NOP14: variants seen among roughly 807,000 people sequenced by gnomAD.
The protein encoded by NOP14 is nucleolar protein 14.
NOP14 carries 57 observed loss-of-function variants against 101.6 expected under a neutral mutation model. The ratio of observed to expected loss-of-function variants is 0.56; its 90% confidence interval spans 0.45 to 0.70. The LOEUF is 0.70. Among genes scored for constraint, NOP14 ranks in the 30% least tolerant of loss-of-function variants. The pLI, the probability that NOP14 is intolerant of heterozygous loss-of-function variation, is 0.00. For missense variants in NOP14, 1,134 were observed against 1,075.5 expected (o/e 1.05, Z -0.76); for synonymous variants, 428 against 424.0 (o/e 1.01, Z -0.12).
intron 17 of NOP14, 66 bp from the exon 18 acceptor site, chr4:2,938,996 C>T: frequency 6.6e-7 from 1 of 1,519,620 alleles, no homozygotes. Flanking sequence ...TGCCCTCTCT[C>T]TCCCACATCA....
intron 11 of NOP14, among the ~76,000 whole-genome samples, chr4:2,946,009 ACT>A (rs1409234436): frequency 1.3e-4 from 4 of 31,422 alleles, no homozygotes; most frequent in South Asian, 3.0e-3. Flanking sequence ...ACTGCCGTGC[ACT>A]CTCACTCCAG....
intron 13 of NOP14, 124 bp from the exon 14 acceptor site, chr4:2,942,475 G>T: frequency 1.9e-6 from 2 of 1,031,110 alleles, no homozygotes; most frequent in Admixed American, 4.4e-5. Context: ...TATGTTTCTG[G>T]GTTGTGCCAG....
intron 2 of NOP14, among the ~76,000 whole-genome samples, chr4:2,957,151 G>A (rs573934851): frequency 4.6e-5 from 7 of 152,230 alleles, no homozygotes; most frequent in African/African-American, 1.7e-4. Flanking sequence ...ATAGGCATGC[G>A]CCACCACGCC....
chr4:2,948,233 C>A, intron 9 of NOP14, 45 bp downstream of exon 9: 1 of 1,552,720 alleles, frequency 6.4e-7, no homozygotes, highest in Non-Finnish European at 8.7e-7. Flanking sequence ...ATATACGGGG[C>A]TATGCTGACA....
chr4:2,948,259 A>T lies in NOP14; in HGVS notation c.1413+19T>A. 6.3e-7 allele frequency: 1 copy of T among 1,589,398 alleles called. No homozygotes were observed. The highest frequency in any genetic ancestry group is 2.3e-5 in the East Asian group (1 of 43,692). On this transcript the variant is annotated intron_variant, in intron 9 of 17. Coordinates refer to ENST00000416614, the MANE Select transcript of NOP14 (RefSeq NM_001291978.2). ...TATGCTGACACTCCCAGCGCTCCAC[A>T]CACACTCAATCCACGTACTTCTAAT...
At chr4:2,958,292 T>A (rs1278173579) in intron 1 of NOP14, among the ~76,000 whole-genome samples, 1 of 152,208 alleles carries the variant, frequency 6.6e-6, no homozygotes, top group Non-Finnish European at 1.5e-5. Flanking sequence ...ATTTGGTTAT[T>A]TTCCCAGCAG....
In NOP14 at chr4:2,939,792, G is replaced by A. The variant is rs190602905; in HGVS notation, c.2200-147C>T. ...ATGGTGCCCTTGCTGTGCGCCTACC[G>A]GTGGGCGGGGGGGTAAGCCAAGGCT... On this transcript the variant is annotated intron_variant, in intron 15 of 17. Coordinates refer to ENST00000416614, the MANE Select transcript of NOP14 (RefSeq NM_001291978.2). 119 of 706,536 alleles carry A rather than the reference G, an allele frequency of 1.7e-4. 1 individual carries two copies. In the Middle Eastern group the frequency reaches 7.9e-3, roughly 47 times the overall value. The allele number at this position is 706,536 out of a possible 1,614,324, so 43.8% of individuals were successfully genotyped here.
chr4:2,953,158 T>C (rs1393888787), intron 5 of NOP14, among the ~76,000 whole-genome samples: 1 of 152,192 alleles, frequency 6.6e-6, no homozygotes, highest in Non-Finnish European at 1.5e-5. Context: ...GAAACAACTG[T>C]TTACAGAGGC....
Position 2,939,456 on chromosome 4 carries a change from G to A in NOP14, c.2318+71C>T, listed in dbSNP as rs1577813021. On this transcript the variant is annotated intron_variant, in intron 16 of 17. Coordinates refer to ENST00000416614, the MANE Select transcript of NOP14 (RefSeq NM_001291978.2). ...AGTCATCTGCTCAACTGCAGAACTG[G>A]CAGACGCCCCCCGTCAGCTCCCACT... is the stretch of plus-strand genomic sequence containing the variant. 10 of 1,595,282 alleles carry A rather than the reference G, an allele frequency of 6.3e-6. No homozygotes were observed. The East Asian group carries it at 2.2e-4, about 36-fold the overall frequency.
intron 1 of NOP14, among the ~76,000 whole-genome samples, chr4:2,961,198 T>TTGTTAG (rs1715842788): frequency 2.9e-5 from 1 of 34,900 alleles, no homozygotes; most frequent in Non-Finnish European, 6.8e-5. Context: ...TATGCTAATA[T>TTGTTAG]TATAATAATA....
intron 1 of NOP14, among the ~76,000 whole-genome samples, chr4:2,959,548 G>T (rs1483441510): frequency 6.6e-6 from 1 of 151,966 alleles, no homozygotes; most frequent in African/African-American, 2.4e-5. Flanking sequence ...AGCTGAGATT[G>T]TGCCACTGCA....
In NOP14 at chr4:2,949,724, G is replaced by A. The variant is rs181927722; in HGVS notation, c.1282+210C>T. 1.6e-4 allele frequency among the ~76,000 whole-genome samples: 25 copies of A among 152,260 alleles called. 1 individual carries two copies. Among genetic ancestry groups the A allele is most frequent in the Middle Eastern group, 3.4e-3 (1 of 294 alleles). On this transcript the variant is annotated intron_variant, in intron 8 of 17. Transcript: ENST00000416614. Reference sequence around the variant, plus strand: ...GAGAGGCGCATCTGGCCCATCGGGGGCCGGCCTACAGAACCACAGTCACAA... The same window carrying A: ...GAGAGGCGCATCTGGCCCATCGGGGACCGGCCTACAGAACCACAGTCACAA...
rs555563454 is a variant in NOP14 at position 2,944,197 on chromosome 4, C to T, written c.1767G>A (p.Val589=). The T allele has an allele frequency of 2.0e-4, 322 of 1,614,024 alleles. 4 individuals are homozygous for T. In the South Asian group the frequency reaches 3.4e-3, roughly 17 times the overall value. ...KCPILSLQDV[V]KGLFVCCLFL... ...ACAGGCAGCACACGAACAGGCCCTT[C>T]ACCACGTCCTGGAGGGACAGGATGG... Residue 589 remains valine (V), a synonymous_variant, in exon 13 of 18, where the codon GTG becomes GTA. Coordinates refer to ENST00000416614, the MANE Select transcript of NOP14 (RefSeq NM_001291978.2).
chr4:2,958,831 C>T (rs1292901447), intron 1 of NOP14, among the ~76,000 whole-genome samples: 2 of 152,120 alleles, frequency 1.3e-5, no homozygotes, highest in Non-Finnish European at 2.9e-5. Flanking sequence ...CGGAGATGAA[C>T]TTAAAGGCTA....
In NOP14 at chr4:2,938,303, C is replaced by T. The variant is rs531087666; in HGVS notation, c.*528G>A. On this transcript the variant is annotated 3_prime_UTR_variant, in exon 18 of 18. Transcript: ENST00000416614. ...TGGGGGGCCAAGGCAGGTGGATTACCTGAGGTCGGGAATTCGAGACCAGCC... is the reference window on the plus strand; with the variant it reads ...TGGGGGGCCAAGGCAGGTGGATTACTTGAGGTCGGGAATTCGAGACCAGCC... 6 of 1,048,372 alleles carry T rather than the reference C, an allele frequency of 5.7e-6. No homozygotes were observed. Among genetic ancestry groups the T allele is most frequent in the East Asian group, 1.2e-4 (2 of 16,734 alleles). 64.9% of individuals were successfully genotyped at this position (1,048,372 alleles called of 1,614,324 possible).
intron 6 of NOP14, among the ~76,000 whole-genome samples, 161 bp downstream of exon 6, chr4:2,952,109 GAAAAA>G (rs34128991): frequency 9.0e-6 from 1 of 111,190 alleles, no homozygotes. Context: ...CTGTCTCAAA[GAAAAA>G]AAAAAAAAAA....
rs915512849 is a variant in NOP14, at chr4:2,963,398, C to A, written c.-79G>T. On this transcript the variant is annotated 5_prime_UTR_variant, in exon 1 of 18. Transcript: ENST00000416614. Reference sequence around the variant, plus strand: ...CGCTACCCTAAGACACGTGCCGGGCCGCGGAACCGCTTCCTCGTCTCGCGA... The same window carrying A: ...CGCTACCCTAAGACACGTGCCGGGCAGCGGAACCGCTTCCTCGTCTCGCGA... 2.9e-6 allele frequency: 4 copies of A among 1,375,914 alleles called. No homozygotes were observed. The highest frequency in any genetic ancestry group is 3.8e-6 in the Non-Finnish European group (4 of 1,052,316). The allele number at this position is 1,375,914 out of a possible 1,614,324, so 85.2% of individuals were successfully genotyped here. A position where few individuals can be genotyped will look rare whatever the true frequency, so the allele number is the denominator to read the frequency against.
In NOP14 at chr4:2,938,785, G is replaced by T. The variant is rs1169743828; in HGVS notation, c.*46C>A. On this transcript the variant is annotated 3_prime_UTR_variant, in exon 18 of 18. Coordinates refer to ENST00000416614, the MANE Select transcript of NOP14 (RefSeq NM_001291978.2). ...GGCCTCCCAGAGGGTTGGAATTGCAGATGTGAGGTAATGTCCAGTTCCTTG... is the reference window on the plus strand; with the variant it reads ...GGCCTCCCAGAGGGTTGGAATTGCATATGTGAGGTAATGTCCAGTTCCTTG... 1 of 1,499,162 alleles carries T rather than the reference G, an allele frequency of 6.7e-7. No homozygotes were observed. 92.9% of individuals were successfully genotyped at this position (1,499,162 alleles called of 1,614,324 possible). A position where few individuals can be genotyped will look rare whatever the true frequency, so the allele number is the denominator to read the frequency against.
intron 15 of NOP14, chr4:2,940,542 G>C (rs1714082062): frequency 6.6e-6 from 1 of 152,362 alleles, no homozygotes; most frequent in Non-Finnish European, 1.5e-5. Flanking sequence ...ATAAGGGGCA[G>C]GGCTCACATC....
Sources: allele counts gnomAD v4.1 joint callset (sites outside exome capture counted in the v4.1 genomes callset), GRCh38; gene constraint gnomAD v4.1.1; transcripts MANE v1.5; gene names NCBI Gene and HGNC (gene_info 2026-07-23, HGNC 2026-07-21).